The following PCDHGB2 variants were observed in gnomAD, a reference collection of about 807,000 sequenced individuals.
PCDHGB2 encodes protocadherin gamma-B2.
PCDHGB2 carries 55 observed loss-of-function variants against 59.3 expected under a neutral mutation model. The ratio of observed to expected loss-of-function variants is 0.93; its 90% confidence interval spans 0.75 to 1.16. The LOEUF is 1.16. PCDHGB2 is among the 50% of genes most tolerant of loss of function. PCDHGB2 has a pLI of 0.00. For synonymous variants in PCDHGB2, 516 were observed against 512.0 expected, an observed-to-expected ratio of 1.01 and a Z score of -0.11; for missense variants, 1,228 against 1,198.5, an observed-to-expected ratio of 1.02 and a Z score of -0.36.
chr5:141,417,899 C>G lies in PCDHGB2; in HGVS notation c.2421+55343C>G, dbSNP rs781294504. On this transcript the variant is annotated intron_variant, in intron 1 of 3. Transcript: ENST00000522605. ...CGCGCAGAGGCGCCGGGCCGGCCCG[C>G]GGCAGGTACTATTTCCTTTGCTGCT... 2.0e-5 allele frequency: 31 copies of G among 1,581,354 alleles called. 2 individuals carry two copies. In the South Asian group the frequency reaches 3.4e-4, roughly 17 times the overall value.
At chr5:141,502,782 T>C (rs1200280465) in intron 2 of PCDHGB2, among the ~76,000 whole-genome samples, 1 of 152,132 alleles carries the variant, frequency 6.6e-6, no homozygotes, top group African/African-American at 2.4e-5. Context: ...GAAAATTACC[T>C]GGATGATTTC....
At chr5:141,384,286 G>A (rs760333073) in intron 1 of PCDHGB2, 3 of 1,613,834 alleles carry the variant, frequency 1.9e-6, no homozygotes, top group South Asian at 2.2e-5. Context: ...CTACATCGCT[G>A]AGAACAACCC....
At chr5:141,377,620 ATT>A (rs1307213511) in intron 1 of PCDHGB2, 1 of 149,664 alleles carries the variant, frequency 6.7e-6, no homozygotes, top group Non-Finnish European at 1.5e-5. Context: ...AAAAAAAAAG[ATT>A]TTGTTTTTTC....
intron 1 of PCDHGB2, among the ~76,000 whole-genome samples, chr5:141,464,264 AAAAAAAAAAAAAAGC>A (rs974197911): frequency 4.0e-4 from 52 of 130,598 alleles, no homozygotes; most frequent in Non-Finnish European, 6.3e-4. Context: ...GACTCCGTCT[AAAAAAAAAAAAAAGC>A]AAAAAAAAAA....
intron 1 of PCDHGB2, chr5:141,427,495 C>T: frequency 1.8e-6 from 1 of 562,648 alleles, no homozygotes; most frequent in South Asian, 1.5e-5. Flanking sequence ...AAGCTTGTAA[C>T]AGATGGGACC....
rs777111805 is a variant in PCDHGB2, at chr5:141,395,298, GT to G, written c.2421+32746del. On this transcript the variant is annotated intron_variant, in intron 1 of 3. Coordinates refer to ENST00000522605, the MANE Select transcript of PCDHGB2 (RefSeq NM_018923.3). ...ATGAATTTTATTTGGCATAAATTAT[GT>G]TTTGAAAAACATTGTGAAGATAGTT... 6 of 1,522,174 alleles carry G rather than the reference GT, an allele frequency of 3.9e-6. No homozygotes were observed. The East Asian group carries it at 9.1e-5, about 23-fold the overall frequency. The allele number at this position is 1,522,174 out of a possible 1,614,324, so 94.3% of individuals were successfully genotyped here.
At chr5:141,365,961 G>T in intron 1 of PCDHGB2, 1 of 1,614,244 alleles carries the variant, frequency 6.2e-7, no homozygotes, top group Non-Finnish European at 8.5e-7. Context: ...CCACTTAGCA[G>T]CAACGTGTCG....
At chr5:141,398,611 A>C (rs2093677658) in intron 1 of PCDHGB2, 3 of 1,613,944 alleles carry the variant, frequency 1.9e-6, no homozygotes, top group Non-Finnish European at 2.5e-6. Flanking sequence ...AGATGCAGAT[A>C]TTGGCTTAAA....
At chr5:141,420,175 T>C (rs901184536) in intron 1 of PCDHGB2, 6 of 1,614,004 alleles carry the variant, frequency 3.7e-6, no homozygotes, top group Non-Finnish European at 5.1e-6. Context: ...CATCTGTTGA[T>C]CATTGTCCAG....
intron 1 of PCDHGB2, chr5:141,408,447 G>A (rs536531313): frequency 3.1e-6 from 5 of 1,614,064 alleles, no homozygotes; most frequent in Admixed American, 1.7e-5. Context: ...GCGGAGAGCG[G>A]GGACTTACTT....
At chr5:141,451,302 G>A (rs1445994098) in intron 1 of PCDHGB2, among the ~76,000 whole-genome samples, 1 of 152,208 alleles carries the variant, frequency 6.6e-6, no homozygotes, top group Non-Finnish European at 1.5e-5. Context: ...GTCTTACAAG[G>A]CAGCAATTAA....
intron 1 of PCDHGB2, chr5:141,419,893 TCCC>T (rs571839457): frequency 5.0e-5 from 81 of 1,613,960 alleles, no homozygotes; most frequent in Non-Finnish European, 6.5e-5. Context: ...TCAGCGACCA[TCCC>T]ACACCCTCTG....
At chr5:141,410,041 G>A (rs763879404) in intron 1 of PCDHGB2, 2 of 1,613,228 alleles carry the variant, frequency 1.2e-6, no homozygotes, top group East Asian at 2.2e-5. Flanking sequence ...AGGCCAGTGA[G>A]CCCGGACTCT....
At chr5:141,418,536 C>G (rs1196331424) in intron 1 of PCDHGB2, 6 of 1,614,026 alleles carry the variant, frequency 3.7e-6, no homozygotes, top group South Asian at 1.1e-5. Flanking sequence ...AGCGGTACTG[C>G]TCAGATAAGA....
In PCDHGB2 at chr5:141,432,677, C is replaced by T. The variant is rs1241190176; in HGVS notation, c.2422-62130C>T. On this transcript the variant is annotated intron_variant, in intron 1 of 3. Transcript: ENST00000522605. This position sits in a 1 kb window ranked among gnomAD's most constrained non-coding sequence, Gnocchi z 6.0. ...CCTGCTGGACAGAGACGCGCTCAAGCAGAGCCTCGTAGTGGCCGTCCAGGA... is the reference window on the plus strand; with the variant it reads ...CCTGCTGGACAGAGACGCGCTCAAGTAGAGCCTCGTAGTGGCCGTCCAGGA... The T allele has an allele frequency of 1.2e-6, 2 of 1,613,942 alleles. No individual in the cohort carries two copies. The highest frequency in any genetic ancestry group is 1.1e-5 in the South Asian group (1 of 91,076).
Position 141,395,191 on chromosome 5 carries a change from C to T in PCDHGB2, c.2421+32635C>T, listed in dbSNP as rs781685191. ...TGTGAGAAAAATGATTCTTTGTTAA[C>T]ATCCGTAGATTTTCATGAATATAAG... is the stretch of plus-strand genomic sequence containing the variant. On this transcript the variant is annotated intron_variant, in intron 1 of 3. Transcript: ENST00000522605. 8 of 1,614,074 alleles carry T rather than the reference C, an allele frequency of 5.0e-6. 1 individual carries two copies. The South Asian group carries it at 7.7e-5, about 16-fold the overall frequency.
intron 1 of PCDHGB2, chr5:141,372,449 G>A (rs777753711): frequency 2.5e-6 from 4 of 1,614,064 alleles, no homozygotes; most frequent in African/African-American, 1.3e-5. Context: ...CTGACCCTCA[G>A]GCGGAGCTAC....
intron 1 of PCDHGB2, among the ~76,000 whole-genome samples, chr5:141,446,448 T>C (rs954515926): frequency 2.6e-5 from 4 of 152,028 alleles, no homozygotes; most frequent in Non-Finnish European, 5.9e-5. Context: ...ACAGTGCAGA[T>C]ATTCAGTGTG....
Position 141,489,398 on chromosome 5 carries a change from G to A in PCDHGB2, c.2422-5409G>A, listed in dbSNP as rs2099686644. On this transcript the variant is annotated intron_variant, in intron 1 of 3. Transcript: ENST00000522605. This position sits in a 1 kb window ranked among gnomAD's most constrained non-coding sequence, Gnocchi z 4.5. The stretch of plus-strand genomic sequence containing the variant: ...GTGGGGAATGTTGCTCAGGATCTGG[G>A]CTTAAAGATGACAGATCTGTTGAGC... 6.2e-7 allele frequency: 1 copy of A among 1,614,064 alleles called. No homozygotes were observed. The highest frequency in any genetic ancestry group is 1.3e-5 in the African/African-American group (1 of 74,910).
Sources: gnomAD v4.1 joint callset for allele counts (sites outside exome capture counted in the v4.1 genomes callset) on GRCh38, gnomAD v4.1.1 for gene constraint, Gnocchi (gnomAD v3.1) non-coding constraint, MANE v1.5 for transcripts, NCBI Gene and HGNC (gene_info 2026-07-23, HGNC 2026-07-21) for gene names.